PAX5: variants seen among roughly 807,000 people sequenced by gnomAD.
PAX5 encodes paired box 5.
In PAX5, 9 loss-of-function variants were observed where a neutral mutation model predicts 43.7. The ratio of observed to expected loss-of-function variants is 0.21; its 90% confidence interval spans 0.12 to 0.36. The LOEUF is 0.36. Ranked by LOEUF, PAX5 falls within the 10% of genes least tolerant of loss-of-function variation. PAX5 has a pLI of 1.00. For synonymous variants in PAX5, 228 were observed against 214.3 expected (o/e 1.06, Z -0.56); for missense variants, 383 against 532.7 (o/e 0.72, Z 2.77).
intron 6 of PAX5, among the ~76,000 whole-genome samples, chr9:36,947,766 G>C (rs7870582): frequency 0.28 from 42,077 of 150,356 alleles, 6,632 homozygotes; most frequent in African/African-American, 0.44. Context: ...CCCACCCCCA[G>C]CACACCTCAC....
At chr9:36,969,794 T>G (rs1301324560) in intron 5 of PAX5, among the ~76,000 whole-genome samples, 1 of 152,226 alleles carries the variant, frequency 6.6e-6, no homozygotes, top group African/African-American at 2.4e-5. Flanking sequence ...GGGCAGAGCC[T>G]GCCTCTCCGG....
intron 1 of PAX5, among the ~76,000 whole-genome samples, chr9:37,030,695 G>A (rs927319731): frequency 5.3e-5 from 8 of 152,234 alleles, no homozygotes; most frequent in African/African-American, 1.7e-4. Context: ...TGAGAATAAT[G>A]TGTGAGAAGC....
intron 5 of PAX5, among the ~76,000 whole-genome samples, chr9:37,001,531 G>A (rs1837850193): frequency 6.6e-6 from 1 of 152,238 alleles, no homozygotes; most frequent in South Asian, 2.1e-4. Flanking sequence ...AGAGAGGCAA[G>A]GCAGGTTCCA....
chr9:37,027,162 C>A (rs932790822), intron 1 of PAX5, among the ~76,000 whole-genome samples: 1 of 152,234 alleles, frequency 6.6e-6, no homozygotes, highest in African/African-American at 2.4e-5. Context: ...ACTGGCTCTC[C>A]GACGTCTCGG....
chr9:36,967,278 C>T (rs1405918079), intron 5 of PAX5, among the ~76,000 whole-genome samples: 1 of 152,228 alleles, frequency 6.6e-6, no homozygotes, highest in Non-Finnish European at 1.5e-5. Flanking sequence ...GTAACAACAC[C>T]TGTGCTAGAC....
At chr9:37,005,213 C>T (rs1838290200) in intron 4 of PAX5, among the ~76,000 whole-genome samples, 1 of 152,226 alleles carries the variant, frequency 6.6e-6, no homozygotes. Context: ...TCTGCCCCCA[C>T]AGCACCCATC....
chr9:36,944,907 A>C (rs1385802210), intron 6 of PAX5, among the ~76,000 whole-genome samples: 1 of 152,228 alleles, frequency 6.6e-6, no homozygotes, highest in Non-Finnish European at 1.5e-5. Context: ...CTCTGTGCCT[A>C]TGGTTAAACA....
At chr9:36,988,767 G>T (rs1446651375) in intron 5 of PAX5, among the ~76,000 whole-genome samples, 2 of 151,760 alleles carry the variant, frequency 1.3e-5, no homozygotes, top group East Asian at 1.9e-4. Context: ...TAGATTCAGA[G>T]TAAAAACACT....
intron 8 of PAX5, among the ~76,000 whole-genome samples, chr9:36,878,913 G>A (rs979433332): frequency 1.3e-5 from 2 of 152,222 alleles, no homozygotes; most frequent in African/African-American, 4.8e-5. Flanking sequence ...GGAGATGCAT[G>A]AGAAGAGACA....
chr9:36,964,938 G>A (rs138354832), intron 6 of PAX5, among the ~76,000 whole-genome samples: 10 of 151,910 alleles, frequency 6.6e-5, no homozygotes, highest in African/African-American at 1.9e-4. Context: ...CAGCATCATC[G>A]CCCGCCCATC....
intron 6 of PAX5, among the ~76,000 whole-genome samples, chr9:36,943,726 C>A (rs1399107601): frequency 6.6e-6 from 1 of 152,114 alleles, no homozygotes; most frequent in Non-Finnish European, 1.5e-5. Context: ...TCCAAAGAAC[C>A]TACACCTATA....
rs537048154 is a variant in PAX5, at chr9:37,034,217, G to C, written c.-186C>G. 3.5e-6 allele frequency: 2 copies of C among 568,648 alleles called. No individual in the cohort carries two copies. The highest frequency in any genetic ancestry group is 3.2e-5 in the Admixed American group (1 of 30,998). 35.2% of individuals were successfully genotyped at this position (568,648 alleles called of 1,614,324 possible). ...GCTGATCACTGAGCTGAAACTAAAC[G>C]TTTTAGGTGGAAAAAAAGCGTCCGA... On this transcript the variant is annotated 5_prime_UTR_variant, in exon 1 of 10. Coordinates refer to ENST00000358127, the MANE Select transcript of PAX5 (RefSeq NM_016734.3).
intron 3 of PAX5, among the ~76,000 whole-genome samples, chr9:37,011,350 C>G (rs1439637870): frequency 1.3e-5 from 2 of 152,168 alleles, no homozygotes; most frequent in Admixed American, 1.3e-4. Flanking sequence ...ATTCTAGCTT[C>G]TCTTGAAAAA....
At chr9:36,897,342 T>C (rs929274326) in intron 7 of PAX5, among the ~76,000 whole-genome samples, 2 of 151,986 alleles carry the variant, frequency 1.3e-5, no homozygotes, top group African/African-American at 2.4e-5. Flanking sequence ...TTCAACCAGT[T>C]TGGGGGAGGG....
At chr9:36,906,988 A>G (rs1828880265) in intron 7 of PAX5, among the ~76,000 whole-genome samples, 1 of 152,210 alleles carries the variant, frequency 6.6e-6, no homozygotes, top group Non-Finnish European at 1.5e-5. Context: ...GCATCTGCAC[A>G]CAGGACTGCA....
intron 1 of PAX5, among the ~76,000 whole-genome samples, chr9:37,033,098 C>G (rs1021860169): frequency 6.6e-6 from 1 of 152,256 alleles, no homozygotes; most frequent in Non-Finnish European, 1.5e-5. Context: ...AATGTCACAA[C>G]TAACCCTACA....
At chr9:36,957,871 A>G (rs1367106611) in intron 6 of PAX5, among the ~76,000 whole-genome samples, 1 of 152,068 alleles carries the variant, frequency 6.6e-6, no homozygotes, top group African/African-American at 2.4e-5. Flanking sequence ...ATTCTCATCA[A>G]GAGTTGAGCT....
intron 7 of PAX5, among the ~76,000 whole-genome samples, chr9:36,910,122 A>C (rs945492895): frequency 6.6e-6 from 1 of 152,134 alleles, no homozygotes. Flanking sequence ...TAACTTTTTG[A>C]TAGCCGATAT....
At chr9:36,924,744 GAAGGA>G (rs1563973290) in intron 6 of PAX5, among the ~76,000 whole-genome samples, 3,432 of 97,640 alleles carry the variant, frequency 0.035, 494 homozygotes, top group African/African-American at 0.11. Flanking sequence ...TGGAAGGAAG[GAAGGA>G]AGGAAGGAAG....
Sources: allele counts gnomAD v4.1 joint callset (sites outside exome capture counted in the v4.1 genomes callset), GRCh38; gene constraint gnomAD v4.1.1; transcripts MANE v1.5; gene names NCBI Gene and HGNC (gene_info 2026-07-23, HGNC 2026-07-21).